The following PHLPP2 variants were observed in gnomAD, a reference collection of about 807,000 sequenced individuals.
PHLPP2 encodes the protein PH domain and leucine rich repeat protein phosphatase 2, also known as PH domain leucine-rich repeat-containing protein phosphatase 2.
In PHLPP2, 66 loss-of-function variants were observed where a neutral mutation model predicts 124.9. That is an observed-to-expected ratio of 0.53 (90% CI 0.43 to 0.65). PHLPP2 has a LOEUF of 0.65. PHLPP2 is among the 30% of genes least tolerant of loss of function. PHLPP2 has a pLI of 0.00. For synonymous variants in PHLPP2, 681 were observed against 624.7 expected, an observed-to-expected ratio of 1.09 and a Z score of -1.34; for missense variants, 1,685 against 1,600.4, an observed-to-expected ratio of 1.05 and a Z score of -0.90.
intron 9 of PHLPP2, among the ~76,000 whole-genome samples, chr16:71,675,460 T>C (rs1053092351): frequency 6.6e-6 from 1 of 152,230 alleles, no homozygotes; most frequent in Non-Finnish European, 1.5e-5. Context: ...TGGCTTCTCA[T>C]TCTAGCACTG....
At chr16:71,723,194 C>G (rs1311499666) in intron 1 of PHLPP2, 6 of 152,376 alleles carry the variant, frequency 3.9e-5, no homozygotes, top group Admixed American at 3.9e-4. Flanking sequence ...CCAAGCTGGG[C>G]GGGTCGTCCT....
intron 1 of PHLPP2, among the ~76,000 whole-genome samples, chr16:71,715,756 T>A (rs2045358177): frequency 1.3e-5 from 2 of 148,378 alleles, no homozygotes; most frequent in South Asian, 4.2e-4. Flanking sequence ...AGGTGAGGGA[T>A]CATTTGAGGT....
rs1267574205 is a variant in PHLPP2 at position 71,663,988 on chromosome 16, C to G, written c.1896G>C (p.Leu632=). The part of the protein sequence containing the change: ...LQLLYLTNNL[L]TDQCIPVLVG... The stretch of plus-strand genomic sequence containing the variant: ...CCAGGACAGGTATGCACTGATCCGT[C>G]AGGAGATTGTTGGTCAGATAAAGCA... The change falls in exon 13 of 19, where the codon CTG becomes CTC. Residue 632 remains leucine (L), a synonymous_variant. Transcript: ENST00000568954. 9.9e-6 allele frequency: 16 copies of G among 1,613,900 alleles called. No homozygotes were observed. The highest frequency in any genetic ancestry group is 1.7e-5 in the Admixed American group (1 of 60,002).
intron 3 of PHLPP2, among the ~76,000 whole-genome samples, chr16:71,692,599 T>G (rs2045126008): frequency 6.6e-6 from 1 of 152,180 alleles, no homozygotes; most frequent in African/African-American, 2.4e-5. Context: ...GTCAATCCTT[T>G]CATCTATACA....
rs200120160 is a variant in PHLPP2 at position 71,678,828 on chromosome 16, C to A, written c.1195G>T (p.Ala399Ser). The A allele has an allele frequency of 5.8e-5, 94 of 1,612,628 alleles. No homozygotes were observed. The East Asian group carries it at 2.0e-3, about 35-fold the overall frequency. The stretch of plus-strand genomic sequence containing the variant: ...TTCAGGACTTCCAGGCAATTTCCTG[C>A]CATAACCACTCTATCTAACATAGTG... Reference protein sequence around the residue: ...KLTMLDRVVMAGNCLEVLNLG... With the variant: ...KLTMLDRVVMSGNCLEVLNLG... Residue 399 changes from alanine (A) to serine (S), a missense_variant, in exon 8 of 19, where the codon GCA (alanine) becomes TCA (serine). Coordinates refer to ENST00000568954, the MANE Select transcript of PHLPP2 (RefSeq NM_015020.3).
At chr16:71,723,174 G>C (rs2045409025) in intron 1 of PHLPP2, 1 of 152,294 alleles carries the variant, frequency 6.6e-6, no homozygotes, top group Non-Finnish European at 1.5e-5. Context: ...CTCCAGCGGG[G>C]ATTCTCTCTC....
intron 12 of PHLPP2, among the ~76,000 whole-genome samples, chr16:71,664,847 T>G (rs543677183): frequency 2.6e-4 from 39 of 152,340 alleles, no homozygotes; most frequent in African/African-American, 8.9e-4. Context: ...ATAGGCTGTT[T>G]CCATTTCTAT....
At chr16:71,699,280 T>G (rs1395381911) in intron 3 of PHLPP2, among the ~76,000 whole-genome samples, 1 of 152,174 alleles carries the variant, frequency 6.6e-6, no homozygotes, top group Non-Finnish European at 1.5e-5. Flanking sequence ...CATCCCTGTT[T>G]GTCTGCTCTC....
At chr16:71,711,330 T>TC (rs1437715399) in intron 2 of PHLPP2, among the ~76,000 whole-genome samples, 55 of 143,534 alleles carry the variant, frequency 3.8e-4, no homozygotes, top group African/African-American at 1.3e-3. Context: ...AAACTCCGTC[T>TC]CAAAAAAAAA....
chr16:71,665,225 G>A (rs961823478), intron 12 of PHLPP2, among the ~76,000 whole-genome samples: 3 of 152,004 alleles, frequency 2.0e-5, no homozygotes, highest in Non-Finnish European at 2.9e-5. Flanking sequence ...AGGAGAAATC[G>A]CTTGAACCCA....
chr16:71,655,542 A>T, intron 16 of PHLPP2, 108 bp from the exon 17 acceptor site: 1 of 760,304 alleles, frequency 1.3e-6, no homozygotes, highest in Non-Finnish European at 2.1e-6. Flanking sequence ...TTGCACTGTC[A>T]CCCAGGCTGG....
rs544330240 is a variant in PHLPP2 at position 71,663,402 on chromosome 16, C to T, written c.1985+497G>A. Among the ~76,000 whole-genome samples, 4 of 152,360 alleles carry T rather than the reference C, an allele frequency of 2.6e-5. No individual in the cohort carries two copies. In the South Asian group the frequency reaches 6.2e-4, roughly 24 times the overall value. ...TTGGGATTACAGGCGTGAGCCACCA[C>T]TCCCAGCCAAACACCCTGCCTTTCT... On this transcript the variant is annotated intron_variant, in intron 13 of 18. Transcript: ENST00000568954.
intron 13 of PHLPP2, among the ~76,000 whole-genome samples, chr16:71,662,857 T>C (rs2044804193): frequency 8.0e-6 from 1 of 125,096 alleles, no homozygotes; most frequent in East Asian, 2.5e-4. Context: ...ATCCCATCTC[T>C]TAAAAAAAAA....
At chr16:71,714,834 T>G in intron 1 of PHLPP2, 33 bp from the exon 2 acceptor site, 1 of 1,587,272 alleles carries the variant, frequency 6.3e-7, no homozygotes, top group South Asian at 1.2e-5. Flanking sequence ...AATCGTTAGC[T>G]AGAACATCTG....
chr16:71,649,306 T>A lies in PHLPP2; in HGVS notation c.3556A>T (p.Ile1186Leu), dbSNP rs767063277. Residue 1186 changes from isoleucine (I) to leucine (L), a missense_variant, in exon 19 of 19, where the codon ATA (isoleucine) becomes TTA (leucine). Physicochemically the swap from Ile to Leu is conservative, Grantham distance 5 (BLOSUM62 2). Transcript: ENST00000568954. ...GRDLENSPPL[I>L]ESSPTLCSEE... The stretch of plus-strand genomic sequence containing the variant: ...GAACACAGGGTAGGAGAACTCTCTA[T>A]GAGAGGGGGTGAGTTCTCCAGATCC... The A allele has an allele frequency of 1.4e-5, 23 of 1,613,732 alleles. No individual in the cohort carries two copies. The highest frequency in any genetic ancestry group is 1.9e-5 in the Non-Finnish European group (22 of 1,179,862).
chr16:71,655,360 T>C lies in PHLPP2; in HGVS notation c.2465A>G (p.Asp822Gly). 6.2e-7 allele frequency: 1 copy of C among 1,613,874 alleles called. No homozygotes were observed. Among genetic ancestry groups the C allele is most frequent in the Non-Finnish European group, 8.5e-7 (1 of 1,179,854 alleles). The change falls in exon 17 of 19, where the codon GAC becomes GGC. Residue 822 changes from aspartate (D) to glycine (G), a missense_variant. Physicochemically the swap from Asp to Gly is moderately conservative, Grantham distance 94. Coordinates refer to ENST00000568954, the MANE Select transcript of PHLPP2 (RefSeq NM_015020.3). ...VGAVYGMFDG[D>G]RNEELPRLLQ... is the part of the protein sequence containing the mutation. The stretch of plus-strand genomic sequence containing the variant: ...CAGGCGCGGGAGCTCCTCATTTCGG[T>C]CTCCATCAAACATGCCATACACAGC...
intron 1 of PHLPP2, chr16:71,715,223 G>A (rs938950734): frequency 5.7e-6 from 1 of 176,966 alleles, no homozygotes; most frequent in Non-Finnish European, 1.2e-5. Context: ...AGCCAGGCAT[G>A]GTGGCACACG....
chr16:71,665,797 T>C (rs1021131134), intron 12 of PHLPP2, among the ~76,000 whole-genome samples: 1 of 152,234 alleles, frequency 6.6e-6, no homozygotes, highest in African/African-American at 2.4e-5. Flanking sequence ...AACAAACATT[T>C]GTAGATTAAC....
Position 71,697,200 on chromosome 16 carries a change from AAATAAATAAATAAAT to A in PHLPP2, c.418+5383_418+5397del, listed in dbSNP as rs1201457444. Among the ~76,000 whole-genome samples, 76 of 41,460 alleles carry A rather than the reference AAATAAATAAATAAAT, an allele frequency of 1.8e-3. 2 individuals are homozygous for A. The highest frequency in any genetic ancestry group is 0.015 in the South Asian group (4 of 268). The allele number at this position is 41,460 out of a possible 152,430, so 27.2% of individuals were successfully genotyped here. A position where few individuals can be genotyped will look rare whatever the true frequency, so the allele number is the denominator to read the frequency against. On this transcript the variant is annotated intron_variant, in intron 3 of 18. Transcript: ENST00000568954. ...TAAATAAATAAATAAATAAATAAAT[AAATAAATAAATAAAT>A]AAAAAGAAACTCAGGGTCTGCAATT...
Sources: gnomAD v4.1 joint callset for allele counts (sites outside exome capture counted in the v4.1 genomes callset) on GRCh38, gnomAD v4.1.1 for gene constraint, MANE v1.5 for transcripts, NCBI Gene and HGNC (gene_info 2026-07-23, HGNC 2026-07-21) for gene names.